Variants in MACC1 observed in about 807,000 individuals in gnomAD.
MACC1 encodes metastasis-associated in colon cancer protein 1.
MACC1 carries 79 observed loss-of-function variants against 70.7 expected under a neutral mutation model. That is an observed-to-expected ratio of 1.12 (90% confidence interval 0.93 to 1.35). The LOEUF (loss-of-function observed/expected upper bound fraction) is 1.35, where lower values mean the gene tolerates loss of function less well. Among genes scored for constraint, MACC1 ranks in the 40% most tolerant of loss-of-function variants. The pLI, the probability that MACC1 is intolerant of heterozygous loss-of-function variation, is 0.00. For synonymous variants in MACC1, 361 were observed against 347.2 expected, an observed-to-expected ratio of 1.04 and a Z score of -0.44; for missense variants, 1,106 against 978.1, an observed-to-expected ratio of 1.13 and a Z score of -1.74.
At chr7:20,162,038 T>G (rs1274017820) in intron 3 of MACC1, among the ~76,000 whole-genome samples, 168 bp from the exon 4 acceptor site, 1 of 152,032 alleles carries the variant, frequency 6.6e-6, no homozygotes, top group Non-Finnish European at 1.5e-5. Context: ...CTAAAATATG[T>G]GTTAGCACTC....
intron 6 of MACC1, among the ~76,000 whole-genome samples, chr7:20,144,921 GAAAA>G (rs1554287453): frequency 6.6e-6 from 1 of 152,126 alleles, no homozygotes; most frequent in African/African-American, 2.4e-5. Context: ...TGGAGTCAAA[GAAAA>G]AGAAAGTGAA....
chr7:20,162,478 T>C (rs906055372), intron 3 of MACC1, among the ~76,000 whole-genome samples: 1 of 152,164 alleles, frequency 6.6e-6, no homozygotes, highest in Admixed American at 6.5e-5. Flanking sequence ...AAAGAGCTAA[T>C]ACTCAATCCA....
chr7:20,189,980 T>C (rs994628640), intron 1 of MACC1, among the ~76,000 whole-genome samples: 32 of 152,208 alleles, frequency 2.1e-4, no homozygotes, highest in African/African-American at 7.2e-4. Flanking sequence ...CTTCTTGCTA[T>C]GTTTTCATGT....
intron 2 of MACC1, among the ~76,000 whole-genome samples, chr7:20,168,774 T>C (rs73082559): frequency 2.6e-5 from 4 of 152,324 alleles, no homozygotes; most frequent in African/African-American, 4.8e-5. Context: ...CCTAGTCCAG[T>C]AAAGCCCACT....
At chr7:20,186,644 G>A (rs59700751) in intron 1 of MACC1, among the ~76,000 whole-genome samples, 4,270 of 151,620 alleles carry the variant, frequency 0.028, 214 homozygotes, top group African/African-American at 0.099. Context: ...ATTAGTTTGA[G>A]GAACCTGAAT....
chr7:20,165,080 CA>C (rs1277519961), intron 2 of MACC1, among the ~76,000 whole-genome samples: 1 of 152,132 alleles, frequency 6.6e-6, no homozygotes, highest in African/African-American at 2.4e-5. Context: ...CTCTCAGAAA[CA>C]AAGGCACCAA....
At position 20,158,905 on chromosome 7, in the gene MACC1, AAAAATCAAACAAGT is replaced by A. The variant is rs1416024702; in HGVS notation, c.1442_1455del (p.His481LeufsTer10). The A allele has an allele frequency of 1.2e-6, 2 of 1,614,088 alleles. No individual in the cohort carries two copies. Among genetic ancestry groups the A allele is most frequent in the South Asian group, 2.2e-5 (2 of 91,056 alleles). ...CCATTGGGAGGCTCCACTTGAACACAAAAATCAAACAAGTGCATCTCTCTGTGCTCAACTAAAGA... is the reference window on the plus strand; with the variant it reads ...CCATTGGGAGGCTCCACTTGAACACAGCATCTCTCTGTGCTCAACTAAAGA... On this transcript the variant is annotated frameshift_variant, in exon 5 of 7. Coordinates refer to ENST00000400331, the MANE Select transcript of MACC1 (RefSeq NM_182762.4). LOFTEE classifies it high-confidence loss of function.
chr7:20,144,723 TGAG>T (rs1274801722), intron 6 of MACC1, among the ~76,000 whole-genome samples: 1 of 152,104 alleles, frequency 6.6e-6, no homozygotes, highest in Non-Finnish European at 1.5e-5. Context: ...ACAGTTGGAA[TGAG>T]GAGATGACCT....
rs772879818 is a variant in MACC1, at chr7:20,158,868, G to C, written c.1493C>G (p.Ala498Gly). 4 of 1,614,090 alleles carry C rather than the reference G, an allele frequency of 2.5e-6. No individual in the cohort carries two copies. The highest frequency in any genetic ancestry group is 3.4e-6 in the Non-Finnish European group (4 of 1,180,008). ...ATCAGGAGTAGTGATAGAGAACTGT[G>C]CAACTGGTTCACCATTGGGAGGCTC... is the stretch of plus-strand genomic sequence containing the variant. The part of the protein sequence containing the change: ...QVEPPNGEPV[A>G]QFSITTPDPT... The change falls in exon 5 of 7, where the codon GCA (alanine) becomes GGA (glycine). Residue 498 changes from alanine (A) to glycine (G), a missense_variant. Physicochemically the swap from Ala to Gly is moderately conservative, Grantham distance 60. Coordinates refer to ENST00000400331, the MANE Select transcript of MACC1 (RefSeq NM_182762.4).
Position 20,135,023 on chromosome 7 carries a change from G to T in MACC1, c.*5923C>A, listed in dbSNP as rs112209912. ...CTTTCTAATTCTACAGTGAAAGCAG[G>T]GCATATAGATAGCTGTATTGATCAC... On this transcript the variant is annotated 3_prime_UTR_variant, in exon 7 of 7. Transcript: ENST00000400331. 2.6e-5 allele frequency: 4 copies of T among 152,170 alleles called. No homozygotes were observed. Among genetic ancestry groups the T allele is most frequent in the African/African-American group, 9.6e-5 (4 of 41,524 alleles). 9.4% of individuals were successfully genotyped at this position (152,170 alleles called of 1,614,324 possible).
At chr7:20,152,968 G>T (rs1009599942) in intron 6 of MACC1, among the ~76,000 whole-genome samples, 2 of 152,198 alleles carry the variant, frequency 1.3e-5, no homozygotes, top group East Asian at 1.9e-4. Context: ...CTTCTTAAAG[G>T]CTTCCTATCT....
At chr7:20,176,247 G>A (rs994053833) in intron 1 of MACC1, among the ~76,000 whole-genome samples, 18 of 151,868 alleles carry the variant, frequency 1.2e-4, no homozygotes, top group South Asian at 8.3e-4. Context: ...ATCATGTTGC[G>A]CATCTTAAAT....
chr7:20,163,668 A>G (rs1782169670), intron 3 of MACC1, among the ~76,000 whole-genome samples: 1 of 152,210 alleles, frequency 6.6e-6, no homozygotes, highest in African/African-American at 2.4e-5. Context: ...TTCTTTACAT[A>G]TATAATTTCT....
At chr7:20,143,000 T>C (rs137869824) in intron 6 of MACC1, among the ~76,000 whole-genome samples, 2 of 152,336 alleles carry the variant, frequency 1.3e-5, no homozygotes, top group African/African-American at 4.8e-5. Context: ...GGGGATGGCA[T>C]AGTAGATTAG....
chr7:20,144,318 T>A (rs181959580), intron 6 of MACC1, among the ~76,000 whole-genome samples: 32 of 152,310 alleles, frequency 2.1e-4, no homozygotes, highest in Admixed American at 5.2e-4. Context: ...TAGGATGTGA[T>A]AATTACAGAA....
intron 1 of MACC1, among the ~76,000 whole-genome samples, chr7:20,189,945 C>T (rs1046940017): frequency 6.6e-6 from 1 of 152,086 alleles, no homozygotes; most frequent in Non-Finnish European, 1.5e-5. Context: ...GGTGAGGGCC[C>T]TCTTCCTTGT....
chr7:20,191,709 TC>T (rs1007368937), intron 1 of MACC1, among the ~76,000 whole-genome samples: 3 of 152,128 alleles, frequency 2.0e-5, no homozygotes, highest in Non-Finnish European at 2.9e-5. Flanking sequence ...ATTTTATCCT[TC>T]CCTTTCCAGG....
rs746343472 is a variant in MACC1 at position 20,159,346 on chromosome 7, C to T, written c.1015G>A (p.Asp339Asn). ...YKDTIQVKLI[D>N]LSQVMYLVVA... is the part of the protein sequence containing the mutation. ...ACTAGATACATTACCTGACTCAAGT[C>T]GATTAGCTTGACTTGGATGGTGTCT... The change falls in exon 5 of 7, where the codon GAC becomes AAC. Residue 339 changes from aspartate (D) to asparagine (N), a missense_variant. By Grantham distance (23) the Asp-to-Asn change is conservative. Transcript: ENST00000400331. The T allele has an allele frequency of 4.3e-6, 7 of 1,613,904 alleles. No homozygotes were observed. Among genetic ancestry groups the T allele is most frequent in the African/African-American group, 1.3e-5 (1 of 74,900 alleles).
At chr7:20,174,525 A>T (rs1189492769) in intron 1 of MACC1, among the ~76,000 whole-genome samples, 1 of 152,182 alleles carries the variant, frequency 6.6e-6, no homozygotes, top group Non-Finnish European at 1.5e-5. Context: ...TATATGGTAT[A>T]ATGCCTTGTG....
Sources: gnomAD v4.1 joint callset for allele counts (sites outside exome capture counted in the v4.1 genomes callset) on GRCh38, gnomAD v4.1.1 for gene constraint, MANE v1.5 for transcripts, NCBI Gene and HGNC (gene_info 2026-07-23, HGNC 2026-07-21) for gene names.